The following NRXN3 variants were observed in gnomAD, a reference collection of about 807,000 sequenced individuals.
The protein encoded by NRXN3 is neurexin 3.
In NRXN3, 32 loss-of-function variants were observed where a neutral mutation model predicts 137.6. The ratio of observed to expected loss-of-function variants is 0.23; its 90% CI spans 0.18 to 0.31. NRXN3 has a LOEUF of 0.31. Ranked by LOEUF, NRXN3 falls within the 10% of genes least tolerant of loss-of-function variation. NRXN3 has a pLI of 1.00. For missense variants in NRXN3, 1,574 were observed against 2,062.5 expected, an observed-to-expected ratio of 0.76 and a Z score of 4.59; for synonymous variants, 798 against 784.5, an observed-to-expected ratio of 1.02 and a Z score of -0.29.
At chr14:78,368,330 T>C (rs2086291791) in intron 4 of NRXN3, among the ~76,000 whole-genome samples, 1 of 152,180 alleles carries the variant, frequency 6.6e-6, no homozygotes, top group South Asian at 2.1e-4. Flanking sequence ...AACACCAGAT[T>C]GTGGCCAGGG....
chr14:79,567,929 G>T (rs1025297946), intron 16 of NRXN3, among the ~76,000 whole-genome samples: 1 of 151,968 alleles, frequency 6.6e-6, no homozygotes, highest in African/African-American at 2.4e-5. Flanking sequence ...TCAAAACTAG[G>T]GCTGAAATCA....
intron 4 of NRXN3, among the ~76,000 whole-genome samples, chr14:78,556,472 T>C (rs576481061): frequency 6.6e-6 from 1 of 152,362 alleles, no homozygotes; most frequent in East Asian, 1.9e-4. Flanking sequence ...CTAGCCAATG[T>C]TAATCTTGGT....
chr14:78,343,104 G>T (rs569734308), intron 4 of NRXN3, among the ~76,000 whole-genome samples: 21 of 152,210 alleles, frequency 1.4e-4, no homozygotes, highest in African/African-American at 4.6e-4. Context: ...ATCTAGAGGT[G>T]GGGTCCAACA....
At chr14:79,549,931 T>C (rs1461876566) in intron 16 of NRXN3, among the ~76,000 whole-genome samples, 1 of 151,480 alleles carries the variant, frequency 6.6e-6, no homozygotes, top group East Asian at 2.0e-4. Flanking sequence ...ACATCCTGAC[T>C]TCCTACAGGT....
chr14:78,914,434 C>G (rs1275809415), intron 10 of NRXN3, among the ~76,000 whole-genome samples: 1 of 151,906 alleles, frequency 6.6e-6, no homozygotes, highest in Admixed American at 6.6e-5. Flanking sequence ...AGAAAATAAC[C>G]AAAGAAAAAG....
Position 79,582,611 on chromosome 14 carries a change from G to C in NRXN3, c.3445-81167G>C, listed in dbSNP as rs556881031. Among the ~76,000 whole-genome samples, 60 of 151,528 alleles carry C rather than the reference G, an allele frequency of 4.0e-4. 1 individual carries two copies. In the South Asian group the frequency reaches 0.012, roughly 31 times the overall value. Reference sequence around the variant, plus strand: ...ATTTTTTTTTTTTCTAGTAGAGATGGGGTTTCACCATGTTGGCCAGGATGG... The same window carrying C: ...ATTTTTTTTTTTTCTAGTAGAGATGCGGTTTCACCATGTTGGCCAGGATGG... On this transcript the variant is annotated intron_variant, in intron 16 of 20. Coordinates refer to ENST00000335750, the MANE Select transcript of NRXN3 (RefSeq NM_001330195.2).
intron 2 of NRXN3, among the ~76,000 whole-genome samples, chr14:78,269,864 T>C (rs1426529537): frequency 6.6e-6 from 1 of 152,182 alleles, no homozygotes; most frequent in East Asian, 1.9e-4. Flanking sequence ...TCGGAGTCTT[T>C]CCAGAGAGTA....
At chr14:79,102,792 T>C (rs986130537) in intron 15 of NRXN3, among the ~76,000 whole-genome samples, 1 of 152,150 alleles carries the variant, frequency 6.6e-6, no homozygotes, top group African/African-American at 2.4e-5. Flanking sequence ...GGGAATATTA[T>C]GATAAATTAC....
intron 17 of NRXN3, among the ~76,000 whole-genome samples, chr14:79,690,205 T>C (rs1008274997): frequency 2.0e-5 from 3 of 151,852 alleles, no homozygotes; most frequent in Non-Finnish European, 4.4e-5. Flanking sequence ...AGATGTATAT[T>C]CGTTTCAAAA....
At chr14:79,605,319 A>G (rs893640596) in intron 16 of NRXN3, among the ~76,000 whole-genome samples, 19 of 152,146 alleles carry the variant, frequency 1.2e-4, no homozygotes, top group African/African-American at 4.6e-4. Context: ...CTATGATCAC[A>G]CACTATTTTC....
chr14:79,626,283 T>C (rs2098280575), intron 16 of NRXN3, among the ~76,000 whole-genome samples: 1 of 152,032 alleles, frequency 6.6e-6, no homozygotes, highest in Non-Finnish European at 1.5e-5. Flanking sequence ...GAGCCAGAGC[T>C]AGATCTTCAA....
rs750470313 is a variant in NRXN3, at chr14:79,467,451, A to C, written c.3444+49A>C. On this transcript the variant is annotated intron_variant, in intron 16 of 20. Transcript: ENST00000335750. Reference sequence around the variant, plus strand: ...ATTTTCTTATGTTACTGGTGGTCTGAGTTAGTGATTCAGGTAGACGCAGCA... The same window carrying C: ...ATTTTCTTATGTTACTGGTGGTCTGCGTTAGTGATTCAGGTAGACGCAGCA... 1.1e-4 allele frequency: 172 copies of C among 1,498,900 alleles called. 2 individuals are homozygous for C. The East Asian group carries it at 3.9e-3, about 34-fold the overall frequency. The allele number at this position is 1,498,900 out of a possible 1,614,324, so 92.9% of individuals were successfully genotyped here.
chr14:79,454,660 A>G (rs1175138036), intron 15 of NRXN3, among the ~76,000 whole-genome samples: 1 of 152,208 alleles, frequency 6.6e-6, no homozygotes, highest in Non-Finnish European at 1.5e-5. Flanking sequence ...TCCTGATTTT[A>G]ATGGCAAAGG....
chr14:79,070,685 T>C (rs868152551), intron 15 of NRXN3, among the ~76,000 whole-genome samples: 1 of 152,126 alleles, frequency 6.6e-6, no homozygotes, highest in African/African-American at 2.4e-5. Context: ...CCCACTTCCA[T>C]TTTTTTCTTC....
chr14:78,558,939 A>G (rs2096762896), intron 4 of NRXN3, among the ~76,000 whole-genome samples: 2 of 152,232 alleles, frequency 1.3e-5, no homozygotes, highest in East Asian at 3.8e-4. Context: ...TCTGACATCA[A>G]TGCCTGTCCT....
chr14:78,692,636 C>T (rs2098182768), intron 6 of NRXN3, among the ~76,000 whole-genome samples: 1 of 152,196 alleles, frequency 6.6e-6, no homozygotes, highest in Admixed American at 6.5e-5. Flanking sequence ...GTCAGATGGA[C>T]TTGAGTTTAA....
At chr14:79,161,608 A>G (rs572754824) in intron 15 of NRXN3, among the ~76,000 whole-genome samples, 10 of 152,118 alleles carry the variant, frequency 6.6e-5, no homozygotes, top group Admixed American at 2.6e-4. Context: ...GTTTTGAAAT[A>G]TCTTTGAAAG....
At chr14:79,607,053 C>CATGCTTATTTGCATTTGTGT (rs2153839076) in intron 16 of NRXN3, among the ~76,000 whole-genome samples, 1 of 152,296 alleles carries the variant, frequency 6.6e-6, no homozygotes, top group Non-Finnish European at 1.5e-5. Context: ...TGTATGTGTG[C>CATGCTTATTTGCATTTGTGT]ATGCTTATTT....
chr14:79,038,378 G>T (rs1027406111), intron 15 of NRXN3, among the ~76,000 whole-genome samples: 3 of 152,038 alleles, frequency 2.0e-5, no homozygotes, highest in Non-Finnish European at 4.4e-5. Flanking sequence ...TGAAATTGGG[G>T]TTGTTTTAGG....
Sources: allele counts gnomAD v4.1 joint callset (sites outside exome capture counted in the v4.1 genomes callset), GRCh38; gene constraint gnomAD v4.1.1; transcripts MANE v1.5; gene names NCBI Gene and HGNC (gene_info 2026-07-23, HGNC 2026-07-21).